The following TXNDC16 variants were observed in gnomAD, a reference collection of about 807,000 sequenced individuals.
The protein encoded by TXNDC16 is thioredoxin domain containing 16.
In TXNDC16, 74 loss-of-function variants were observed where a neutral mutation model predicts 85.6. The observed-to-expected ratio is 0.86, with a 90% CI of 0.72 to 1.05. The LOEUF (loss-of-function observed/expected upper bound fraction) is 1.05. Among genes scored for constraint, TXNDC16 ranks in the 50% least tolerant of loss-of-function variants. The probability of loss-of-function intolerance (pLI) is 0.00; values close to 1 mark genes in which losing one functional copy is unlikely to be tolerated. For synonymous variants in TXNDC16, 335 were observed against 326.5 expected, an observed-to-expected ratio of 1.03 and a Z score of -0.28; for missense variants, 959 against 947.0, an observed-to-expected ratio of 1.01 and a Z score of -0.17.
At chr14:52,521,012 T>C (rs955415874) in intron 6 of TXNDC16, among the ~76,000 whole-genome samples, 28 of 152,046 alleles carry the variant, frequency 1.8e-4, no homozygotes, top group African/African-American at 3.6e-4. Context: ...ATTTATTAAC[T>C]CTTTTAAAAA....
chr14:52,524,653 G>A (rs1466354577), intron 6 of TXNDC16, among the ~76,000 whole-genome samples: 4 of 152,048 alleles, frequency 2.6e-5, no homozygotes, highest in Non-Finnish European at 5.9e-5. Context: ...CACCATGCCT[G>A]GCTAAATTCT....
chr14:52,468,762 A>C (rs1003262080), intron 16 of TXNDC16, among the ~76,000 whole-genome samples: 3 of 151,828 alleles, frequency 2.0e-5, no homozygotes, highest in Non-Finnish European at 2.9e-5. Context: ...CTATAATCCT[A>C]GCTACTCAGG....
intron 16 of TXNDC16, among the ~76,000 whole-genome samples, chr14:52,458,424 G>T (rs1429491605): frequency 6.6e-6 from 1 of 152,128 alleles, no homozygotes; most frequent in East Asian, 1.9e-4. Flanking sequence ...GGGCATGGTG[G>T]CATGTGCCTG....
intron 14 of TXNDC16, among the ~76,000 whole-genome samples, chr14:52,478,828 C>A (rs1213294926): frequency 1.3e-5 from 2 of 151,994 alleles, no homozygotes. Context: ...ACCAGTATCA[C>A]CCTAATACCA....
intron 18 of TXNDC16, among the ~76,000 whole-genome samples, chr14:52,447,228 G>C (rs1449098781): frequency 1.3e-5 from 2 of 152,090 alleles, no homozygotes; most frequent in East Asian, 3.9e-4. Context: ...CAAGCTGATG[G>C]AAGAGCCCTT....
rs918391389 is a variant in TXNDC16 at position 52,440,799 on chromosome 14, T to C, written c.1843-75A>G. 8 of 1,357,312 alleles carry C rather than the reference T, an allele frequency of 5.9e-6. No homozygotes were observed. The African/African-American group carries it at 1.2e-4, about 20-fold the overall frequency. 84.1% of individuals were successfully genotyped at this position (1,357,312 alleles called of 1,614,324 possible). On this transcript the variant is annotated intron_variant, in intron 18 of 20. Transcript: ENST00000281741. Reference sequence around the variant, plus strand: ...ATGCATACCACAGAAGACATTCAAATCACTCAGTCAATTTTAGTTTGTAAA... The same window carrying C: ...ATGCATACCACAGAAGACATTCAAACCACTCAGTCAATTTTAGTTTGTAAA...
At position 52,482,857 on chromosome 14, in the gene TXNDC16, A is replaced by G. The variant is rs1043553658; in HGVS notation, c.1217T>C (p.Met406Thr). 1.2e-6 allele frequency: 2 copies of G among 1,612,088 alleles called. No homozygotes were observed. Among genetic ancestry groups the G allele is most frequent in the Non-Finnish European group, 1.7e-6 (2 of 1,179,360 alleles). The change falls in exon 13 of 21, where the codon ATG becomes ACG. Residue 406 changes from methionine (M) to threonine (T), a missense_variant. Physicochemically the swap from Met to Thr is moderately conservative, Grantham distance 81. Transcript: ENST00000281741. Reference sequence around the variant, plus strand: ...GAAGAGTACTATGCTGTCAGAAGCCATCACTGTTGCATTAAATGTTTCTTC... The same window carrying G: ...GAAGAGTACTATGCTGTCAGAAGCCGTCACTGTTGCATTAAATGTTTCTTC... The part of the protein sequence containing the change: ...LTEETFNATV[M>T]ASDSIVLFYA...
chr14:52,514,781 C>T (rs947636701), intron 8 of TXNDC16, 99 bp downstream of exon 8: 1 of 823,100 alleles, frequency 1.2e-6, no homozygotes, highest in African/African-American at 1.7e-5. Flanking sequence ...TTATCTAAGC[C>T]CATGCTGTGG....
At chr14:52,519,328 C>G in intron 6 of TXNDC16, 35 bp from the exon 7 acceptor site, 1 of 1,514,650 alleles carries the variant, frequency 6.6e-7, no homozygotes, top group Non-Finnish European at 9.0e-7. Flanking sequence ...GTAGAAAAAT[C>G]TGATATGTAT....
At chr14:52,473,157 T>G (rs1483672718) in intron 14 of TXNDC16, among the ~76,000 whole-genome samples, 5 of 152,128 alleles carry the variant, frequency 3.3e-5, no homozygotes, top group Non-Finnish European at 1.5e-5. Flanking sequence ...GCCAGTCCTT[T>G]CCACTTGGAG....
At chr14:52,510,368 T>G (rs2140181320) in intron 9 of TXNDC16, among the ~76,000 whole-genome samples, 1 of 152,332 alleles carries the variant, frequency 6.6e-6, no homozygotes, top group Non-Finnish European at 1.5e-5. Flanking sequence ...TGAAAAACAC[T>G]TATCAATAGT....
chr14:52,496,141 C>T (rs2036527151), intron 9 of TXNDC16, among the ~76,000 whole-genome samples: 1 of 149,636 alleles, frequency 6.7e-6, no homozygotes, highest in Non-Finnish European at 1.5e-5. Flanking sequence ...GCCTGGGTGA[C>T]AGCACGAGAC....
chr14:52,551,893 T>C (rs2038059594), intron 1 of TXNDC16, among the ~76,000 whole-genome samples: 1 of 152,220 alleles, frequency 6.6e-6, no homozygotes, highest in Admixed American at 6.5e-5. Context: ...TTTCTGCCTT[T>C]TTCCCAAAAC....
At chr14:52,531,012 A>T (rs190574424) in intron 6 of TXNDC16, among the ~76,000 whole-genome samples, 111 of 152,218 alleles carry the variant, frequency 7.3e-4, no homozygotes, top group Non-Finnish European at 1.2e-3. Context: ...CCCAATTAAA[A>T]AATGAACCAA....
At chr14:52,517,970 G>A (rs1229924885) in intron 7 of TXNDC16, among the ~76,000 whole-genome samples, 1 of 152,182 alleles carries the variant, frequency 6.6e-6, no homozygotes, top group Non-Finnish European at 1.5e-5. Context: ...AAGGTCACCA[G>A]TAACTTCTAT....
intron 9 of TXNDC16, among the ~76,000 whole-genome samples, chr14:52,507,354 C>T (rs1341781750): frequency 6.6e-6 from 1 of 152,048 alleles, no homozygotes; most frequent in South Asian, 2.1e-4. Context: ...ATCCAACTTA[C>T]AAGGGATGTG....
At chr14:52,510,367 C>T (rs1387083348) in intron 9 of TXNDC16, among the ~76,000 whole-genome samples, 1 of 152,176 alleles carries the variant, frequency 6.6e-6, no homozygotes, top group Non-Finnish European at 1.5e-5. Context: ...ATGAAAAACA[C>T]TTATCAATAG....
intron 1 of TXNDC16, among the ~76,000 whole-genome samples, chr14:52,548,132 G>T (rs1167405821): frequency 6.6e-6 from 1 of 152,178 alleles, no homozygotes; most frequent in Admixed American, 6.5e-5. Flanking sequence ...ACACCATAGG[G>T]GAAAGCTCCC....
chr14:52,482,384 C>T, intron 13 of TXNDC16, 95 bp from the exon 14 acceptor site: 2 of 1,028,352 alleles, frequency 1.9e-6, no homozygotes. Flanking sequence ...TGAGGTTTCC[C>T]AAAATTATTG....
Sources: gnomAD v4.1 joint callset for allele counts (sites outside exome capture counted in the v4.1 genomes callset) on GRCh38, gnomAD v4.1.1 for gene constraint, MANE v1.5 for transcripts, NCBI Gene and HGNC (gene_info 2026-07-23, HGNC 2026-07-21) for gene names.